The following PLPBP variants were observed in gnomAD, a reference collection of about 807,000 sequenced individuals.
PLPBP encodes pyridoxal phosphate homeostasis protein.
PLPBP carries 21 observed loss-of-function variants against 31.2 expected under a neutral mutation model. That is an observed-to-expected ratio of 0.67 (90% CI 0.48 to 0.97). PLPBP has a LOEUF of 0.97. PLPBP is among the 50% of genes least tolerant of loss of function. The probability of loss-of-function intolerance (pLI) is 0.00; values close to 1 mark genes in which losing one functional copy is unlikely to be tolerated. For synonymous variants in PLPBP, 124 were observed against 135.6 expected, an observed-to-expected ratio of 0.91 and a Z score of 0.59; for missense variants, 308 against 354.4, an observed-to-expected ratio of 0.87 and a Z score of 1.05.
chr8:37,777,067 G>A (rs1451921679), intron 7 of PLPBP, among the ~76,000 whole-genome samples: 2 of 152,196 alleles, frequency 1.3e-5, no homozygotes, highest in East Asian at 1.9e-4. Flanking sequence ...GCACCCGTCC[G>A]AGGCTTAATC....
intron 5 of PLPBP, among the ~76,000 whole-genome samples, 158 bp downstream of exon 5, chr8:37,773,047 C>T: frequency 6.6e-6 from 1 of 152,126 alleles, no homozygotes; most frequent in Non-Finnish European, 1.5e-5. Context: ...ATCTAGGTAG[C>T]ATAATGGCAT....
chr8:37,768,609 A>C (rs1803696977), intron 4 of PLPBP, among the ~76,000 whole-genome samples: 2 of 151,156 alleles, frequency 1.3e-5, no homozygotes, highest in Admixed American at 1.3e-4. Flanking sequence ...AGTAGCTGGG[A>C]CTACAGGCGC....
chr8:37,776,815 G>A (rs946148181), intron 7 of PLPBP, among the ~76,000 whole-genome samples: 6 of 151,970 alleles, frequency 3.9e-5, no homozygotes, highest in African/African-American at 9.7e-5. Flanking sequence ...TGCCCAGGCC[G>A]GAGTGCAGTG....
chr8:37,779,132 CAT>C lies in PLPBP; in HGVS notation c.*1030_*1031del, dbSNP rs1261300348. 6.6e-6 allele frequency: 1 copy of C among 152,094 alleles called. No homozygotes were observed. Among genetic ancestry groups the C allele is most frequent in the Non-Finnish European group, 1.5e-5 (1 of 68,018 alleles). The allele number at this position is 152,094 out of a possible 1,614,324, so 9.4% of individuals were successfully genotyped here. The stretch of plus-strand genomic sequence containing the variant: ...TTTTATCCCTGAAATTAAAGGATAA[CAT>C]AAGGAGGACTTGGGCCTTTCTGACA... On this transcript the variant is annotated 3_prime_UTR_variant, in exon 8 of 8. Coordinates refer to ENST00000328195, the MANE Select transcript of PLPBP (RefSeq NM_007198.4).
chr8:37,769,539 A>C (rs1476210904), intron 4 of PLPBP, among the ~76,000 whole-genome samples: 3 of 152,078 alleles, frequency 2.0e-5, no homozygotes, highest in Non-Finnish European at 4.4e-5. Flanking sequence ...AAAAATAGGC[A>C]AAAACTGGGG....
intron 2 of PLPBP, 27 bp from the exon 3 acceptor site, chr8:37,765,684 C>T: frequency 4.3e-6 from 7 of 1,614,224 alleles, no homozygotes; most frequent in Non-Finnish European, 5.9e-6. Flanking sequence ...TGCCAGGCTT[C>T]TGACTTGTTC....
chr8:37,770,063 C>T (rs1233015999), intron 4 of PLPBP, among the ~76,000 whole-genome samples: 3 of 152,180 alleles, frequency 2.0e-5, no homozygotes, highest in African/African-American at 7.2e-5. Context: ...GTCCTTATTG[C>T]CCAAAGCAAT....
chr8:37,765,656 C>A (rs1357618904), intron 2 of PLPBP, 23 bp downstream of exon 2: 1 of 1,614,188 alleles, frequency 6.2e-7, no homozygotes, highest in African/African-American at 1.3e-5. Flanking sequence ...TCCTGAAGCC[C>A]TTTGGAAGCA....
chr8:37,776,989 A>G (rs1192093861), intron 7 of PLPBP, among the ~76,000 whole-genome samples: 1 of 151,996 alleles, frequency 6.6e-6, no homozygotes, highest in East Asian at 1.9e-4. Context: ...CTGGTCTCGA[A>G]CTCCTGACCT....
intron 7 of PLPBP, among the ~76,000 whole-genome samples, chr8:37,777,318 T>C (rs1417953370): frequency 1.3e-5 from 2 of 152,196 alleles, no homozygotes; most frequent in Non-Finnish European, 2.9e-5. Flanking sequence ...ATAAGGATAT[T>C]TTTTTCATCT....
intron 7 of PLPBP, among the ~76,000 whole-genome samples, chr8:37,776,415 G>T (rs1211839048): frequency 6.9e-6 from 1 of 145,392 alleles, no homozygotes; most frequent in African/African-American, 2.6e-5. Context: ...GGCGGAGATT[G>T]CAGTGAGCCG....
chr8:37,763,175 T>C (rs530085663), intron 1 of PLPBP, among the ~76,000 whole-genome samples: 10 of 152,080 alleles, frequency 6.6e-5, no homozygotes, highest in Non-Finnish European at 1.3e-4. Context: ...TCTCACCTGC[T>C]AAGTGCCCAA....
chr8:37,766,231 A>C, intron 3 of PLPBP, 49 bp from the exon 4 acceptor site: 42 of 1,396,946 alleles, frequency 3.0e-5, no homozygotes, highest in Non-Finnish European at 3.6e-5. Flanking sequence ...TTGAGCCAGC[A>C]AGGCCTCTAT....
At chr8:37,775,853 T>C in intron 6 of PLPBP, 65 bp from the exon 7 acceptor site, 1 of 1,430,392 alleles carries the variant, frequency 7.0e-7, no homozygotes, top group Non-Finnish European at 9.8e-7. Flanking sequence ...GAAGTTCAGA[T>C]TCAGACACTT....
intron 7 of PLPBP, among the ~76,000 whole-genome samples, chr8:37,776,919 A>G (rs1014823652): frequency 1.3e-5 from 2 of 152,198 alleles, no homozygotes; most frequent in Non-Finnish European, 2.9e-5. Flanking sequence ...GGCGCCTGCC[A>G]CAATGCCCAG....
At position 37,778,196 on chromosome 8, in the gene PLPBP, C is replaced by G. The variant is rs1304366456; in HGVS notation, c.*92C>G. 16 of 1,449,014 alleles carry G rather than the reference C, an allele frequency of 1.1e-5. No individual in the cohort carries two copies. The highest frequency in any genetic ancestry group is 1.5e-5 in the Non-Finnish European group (16 of 1,059,652). 89.8% of individuals were successfully genotyped at this position (1,449,014 alleles called of 1,614,324 possible). Reference sequence around the variant, plus strand: ...CCAGCGCAGTCCTGCTCTCCTGTGACCTGTGGAGAGCACTAATGATCACGT... The same window carrying G: ...CCAGCGCAGTCCTGCTCTCCTGTGAGCTGTGGAGAGCACTAATGATCACGT... On this transcript the variant is annotated 3_prime_UTR_variant, in exon 8 of 8. Transcript: ENST00000328195.
chr8:37,771,180 A>G (rs1358814620), intron 4 of PLPBP, among the ~76,000 whole-genome samples: 1 of 152,080 alleles, frequency 6.6e-6, no homozygotes, highest in Non-Finnish European at 1.5e-5. Flanking sequence ...TCTGTCACCC[A>G]GGCTGGAGTG....
At position 37,778,141 on chromosome 8, in the gene PLPBP, C is replaced by G; in HGVS notation, c.*37C>G. On this transcript the variant is annotated 3_prime_UTR_variant, in exon 8 of 8. Transcript: ENST00000328195. ...CTGAGAGCACTAACTATGCACTAAC[C>G]TAGATTTTCATTTCGATATTCCCTG... 1.9e-6 allele frequency: 3 copies of G among 1,602,316 alleles called. No individual in the cohort carries two copies. Among genetic ancestry groups the G allele is most frequent in the Non-Finnish European group, 2.6e-6 (3 of 1,172,238 alleles).
At chr8:37,765,795 T>C in intron 3 of PLPBP, 49 bp downstream of exon 3, 1 of 1,593,356 alleles carries the variant, frequency 6.3e-7, no homozygotes. Flanking sequence ...CTTGGCTCTT[T>C]AGTTGAAAAT....
Sources: allele counts gnomAD v4.1 joint callset (sites outside exome capture counted in the v4.1 genomes callset), GRCh38; gene constraint gnomAD v4.1.1; transcripts MANE v1.5; gene names NCBI Gene and HGNC (gene_info 2026-07-23, HGNC 2026-07-21).